The following DTNBP1 variants were observed in gnomAD, a reference collection of about 807,000 sequenced individuals.
DTNBP1 encodes dysbindin.
Under a neutral mutation model 42.8 loss-of-function variants are expected in DTNBP1, and 35 were observed. That is an observed-to-expected ratio of 0.82 (90% CI 0.63 to 1.09). The LOEUF is 1.09. DTNBP1 is among the 50% of genes least tolerant of loss of function. The pLI is 0.00. For synonymous variants in DTNBP1, 171 were observed against 162.2 expected (o/e 1.05, Z -0.41); for missense variants, 457 against 424.2 (o/e 1.08, Z -0.68).
rs1776370102 is a variant in DTNBP1, at chr6:15,593,178, A to G, written c.489-97T>C. The G allele has an allele frequency of 5.3e-6, 6 of 1,122,230 alleles. No individual in the cohort carries two copies. The Admixed American group carries it at 1.5e-4, about 28-fold the overall frequency. 69.5% of individuals were successfully genotyped at this position (1,122,230 alleles called of 1,614,324 possible). A position where few individuals can be genotyped will look rare whatever the true frequency, so the allele number is the denominator to read the frequency against. On this transcript the variant is annotated intron_variant, in intron 6 of 9. Transcript: ENST00000344537. The stretch of plus-strand genomic sequence containing the variant: ...CATAATAAAAACTTATGTACTTTAA[A>G]TGCCCACAGTGGTATTTCTGGATCT...
intron 1 of DTNBP1, among the ~76,000 whole-genome samples, chr6:15,655,100 T>A (rs964717394): frequency 2.0e-5 from 3 of 152,128 alleles, no homozygotes; most frequent in Non-Finnish European, 4.4e-5. Context: ...ATTCTATTTG[T>A]GTGTGTGTTT....
At chr6:15,641,214 T>G (rs1349662356) in intron 3 of DTNBP1, among the ~76,000 whole-genome samples, 1 of 152,186 alleles carries the variant, frequency 6.6e-6, no homozygotes, top group African/African-American at 2.4e-5. Flanking sequence ...GTGGTGTGTG[T>G]GCGTGTTTTT....
chr6:15,651,715 G>GT (rs1440145729), intron 2 of DTNBP1, among the ~76,000 whole-genome samples: 2 of 152,114 alleles, frequency 1.3e-5, no homozygotes, highest in Non-Finnish European at 2.9e-5. Context: ...CAATCCTGGT[G>GT]TTTTCATACA....
At chr6:15,550,753 A>G (rs1391346823) in intron 7 of DTNBP1, among the ~76,000 whole-genome samples, 1 of 152,154 alleles carries the variant, frequency 6.6e-6, no homozygotes, top group African/African-American at 2.4e-5. Flanking sequence ...GGAGTCCTTC[A>G]CTGCCAGCTA....
chr6:15,559,132 G>C (rs1774696032), intron 7 of DTNBP1, among the ~76,000 whole-genome samples: 1 of 152,180 alleles, frequency 6.6e-6, no homozygotes, highest in Admixed American at 6.5e-5. Flanking sequence ...TGCAATGGTG[G>C]TTCAAGAAGT....
intron 4 of DTNBP1, among the ~76,000 whole-genome samples, chr6:15,633,630 T>C (rs986076724): frequency 6.6e-6 from 1 of 152,206 alleles, no homozygotes. Context: ...AGTTCTACTA[T>C]GGGTAAAATG....
At chr6:15,548,770 T>C (rs1218753956) in intron 7 of DTNBP1, among the ~76,000 whole-genome samples, 3 of 152,032 alleles carry the variant, frequency 2.0e-5, no homozygotes, top group Non-Finnish European at 2.9e-5. Flanking sequence ...AGTTAATATG[T>C]CAGCACATCT....
intron 6 of DTNBP1, among the ~76,000 whole-genome samples, chr6:15,597,489 G>A (rs546606602): frequency 6.6e-6 from 1 of 152,324 alleles, no homozygotes; most frequent in South Asian, 2.1e-4. Flanking sequence ...TTCAAACTGT[G>A]TTATTAGCAT....
rs1241977496 is a variant in DTNBP1, at chr6:15,524,572, G to C, written c.765C>G (p.Phe255Leu). The C allele has an allele frequency of 6.2e-7, 1 of 1,611,958 alleles. No homozygotes were observed. The highest frequency in any genetic ancestry group is 1.7e-5 in the Admixed American group (1 of 59,748). ...TGTTCTCTTCTCCTCCAGAGTTCAGGAAGACGTCCAGGGCCTCCTGGTCCG... is the reference window on the plus strand; with the variant it reads ...TGTTCTCTTCTCCTCCAGAGTTCAGCAAGACGTCCAGGGCCTCCTGGTCCG... ...DISDQEALDVFLNSGGEENTV... is the reference protein window; with the variant it reads ...DISDQEALDVLLNSGGEENTV... Residue 255 changes from phenylalanine to leucine, a missense_variant, in exon 9 of 10, where the codon TTC (phenylalanine) becomes TTG (leucine). Transcript: ENST00000344537.
chr6:15,596,040 G>C (rs542027237), intron 6 of DTNBP1, among the ~76,000 whole-genome samples: 1 of 152,212 alleles, frequency 6.6e-6, no homozygotes, highest in African/African-American at 2.4e-5. Context: ...GGAAACTCAC[G>C]TTGGGGGCAC....
intron 7 of DTNBP1, among the ~76,000 whole-genome samples, chr6:15,589,147 G>GT (rs796579916): frequency 2.2e-4 from 34 of 152,270 alleles, no homozygotes; most frequent in African/African-American, 8.2e-4. Flanking sequence ...ATCCCTATCT[G>GT]TAACATGCTA....
At position 15,607,068 on chromosome 6, in the gene DTNBP1, T is replaced by C. The variant is rs756399800; in HGVS notation, c.488+8199A>G. Among the ~76,000 whole-genome samples the C allele has an allele frequency of 3.1e-4, 46 of 149,856 alleles. 1 individual carries two copies. Among genetic ancestry groups the C allele is most frequent in the African/African-American group, 1.1e-3 (46 of 40,478 alleles). ...CTCTGTAACCCAGGCTGGAGTGCAG[T>C]GGTGTGAGCTCAGCTCACTGCAACC... On this transcript the variant is annotated intron_variant, in intron 6 of 9. Coordinates refer to ENST00000344537, the MANE Select transcript of DTNBP1 (RefSeq NM_032122.5).
At chr6:15,555,758 T>A (rs543772038) in intron 7 of DTNBP1, among the ~76,000 whole-genome samples, 1 of 152,262 alleles carries the variant, frequency 6.6e-6, no homozygotes, top group South Asian at 2.1e-4. Context: ...GACCAAGAAA[T>A]AACCATAAAA....
At chr6:15,523,843 C>T (rs759619573) in intron 9 of DTNBP1, 27 of 1,286,992 alleles carry the variant, frequency 2.1e-5, no homozygotes, top group Middle Eastern at 3.2e-4. Context: ...CCAGGAGAAG[C>T]GGGTGAGAAG....
intron 6 of DTNBP1, chr6:15,615,015 T>C: frequency 1.7e-6 from 1 of 581,640 alleles, no homozygotes; most frequent in Non-Finnish European, 3.1e-6. Flanking sequence ...CTGGAAAACT[T>C]TGCCCTGTGC....
At chr6:15,614,659 G>A (rs1385549908) in intron 6 of DTNBP1, among the ~76,000 whole-genome samples, 3 of 152,174 alleles carry the variant, frequency 2.0e-5, no homozygotes, top group Non-Finnish European at 4.4e-5. Flanking sequence ...TCCAGTTCAG[G>A]TTGGCCTAGT....
At chr6:15,579,641 C>T (rs574570365) in intron 7 of DTNBP1, among the ~76,000 whole-genome samples, 1 of 152,174 alleles carries the variant, frequency 6.6e-6, no homozygotes, top group East Asian at 1.9e-4. Flanking sequence ...CCTGTCTCTA[C>T]TAAAAATACA....
At chr6:15,523,597 G>C in intron 9 of DTNBP1, 1 of 1,283,816 alleles carries the variant, frequency 7.8e-7, no homozygotes, top group South Asian at 1.2e-5. Context: ...GTAATTCAGA[G>C]ACACCACTGC....
intron 9 of DTNBP1, chr6:15,523,843 C>G (rs759619573): frequency 1.6e-6 from 2 of 1,287,110 alleles, no homozygotes; most frequent in South Asian, 1.2e-5. Context: ...CCAGGAGAAG[C>G]GGGTGAGAAG....
Sources: allele counts gnomAD v4.1 joint callset (sites outside exome capture counted in the v4.1 genomes callset), GRCh38; gene constraint gnomAD v4.1.1; transcripts MANE v1.5; gene names NCBI Gene and HGNC (gene_info 2026-07-23, HGNC 2026-07-21).